The following CACNA1G variants were observed in gnomAD, a reference collection of about 807,000 sequenced individuals.
CACNA1G encodes voltage-dependent T-type calcium channel subunit alpha-1G.
In CACNA1G, 67 loss-of-function variants were observed where a neutral mutation model predicts 219.4. The observed-to-expected ratio is 0.31, with a 90% CI of 0.25 to 0.37. The LOEUF is 0.37. Ranked by LOEUF, CACNA1G falls within the 10% of genes least tolerant of loss-of-function variation. The probability of loss-of-function intolerance (pLI) is 1.00; values close to 1 mark genes in which losing one functional copy is unlikely to be tolerated. For synonymous variants in CACNA1G, 1,296 were observed against 1,345.3 expected (o/e 0.96, Z 0.80); for missense variants, 2,380 against 3,231.4 (o/e 0.74, Z 6.39).
rs67152102 is a variant in CACNA1G at position 50,564,125 on chromosome 17, AGTGTGT to A, written c.242+2457_242+2462del. On this transcript the variant is annotated intron_variant, in intron 1 of 37. Coordinates refer to ENST00000359106, the MANE Select transcript of CACNA1G (RefSeq NM_018896.5). ...AGAGGAGATCTAGACCCAGGTAGGA[AGTGTGT>A]GTGTGTGTGTGTGTGTGTGTGTGTG... 7.4e-3 allele frequency among the ~76,000 whole-genome samples: 1,020 copies of A among 138,562 alleles called. 11 individuals carry two copies. The highest frequency in any genetic ancestry group is 0.022 in the African/African-American group (756 of 34,284). The allele number at this position is 138,562 out of a possible 152,430, so 90.9% of individuals were successfully genotyped here.
intron 24 of CACNA1G, 55 bp from the exon 25 acceptor site, chr17:50,607,772 A>G (rs2048257861): frequency 1.3e-6 from 2 of 1,519,914 alleles, no homozygotes; most frequent in African/African-American, 1.4e-5. Context: ...GGCAGCTCCT[A>G]AGACAGCTTG....
Position 50,569,198 on chromosome 17 carries a change from G to C in CACNA1G, c.388G>C (p.Val130Leu). The change falls in exon 3 of 38, where the codon GTG becomes CTG. Residue 130 changes from valine (V) to leucine (L), a missense_variant. Transcript: ENST00000359106. ...TGACTTCATCTTTGCCTTCTTTGCC[G>C]TGGAGATGGTGGTGAAGATGGTGGC... ...FDDFIFAFFA[V>L]EMVVKMVALG... 6.2e-7 allele frequency: 1 copy of C among 1,613,894 alleles called. No homozygotes were observed. Among genetic ancestry groups the C allele is most frequent in the Non-Finnish European group, 8.5e-7 (1 of 1,179,844 alleles).
Position 50,608,138 on chromosome 17 carries a change from C to T in CACNA1G, c.4705+119C>T. ...GGGCCGGGGGCAGGGAGAAGAGGCTCCCACCCCCCTCCTCACCTCCTTCTC... is the reference window on the plus strand; with the variant it reads ...GGGCCGGGGGCAGGGAGAAGAGGCTTCCACCCCCCTCCTCACCTCCTTCTC... On this transcript the variant is annotated intron_variant, in intron 25 of 37. Coordinates refer to ENST00000359106, the MANE Select transcript of CACNA1G (RefSeq NM_018896.5). 3.5e-6 allele frequency: 3 copies of T among 851,290 alleles called. 1 individual carries two copies. The highest frequency in any genetic ancestry group is 5.5e-6 in the Non-Finnish European group (3 of 543,710). The allele number at this position is 851,290 out of a possible 1,614,324, so 52.7% of individuals were successfully genotyped here. A position where few individuals can be genotyped will look rare whatever the true frequency, so the allele number is the denominator to read the frequency against.
intron 37 of CACNA1G, 60 bp from the exon 38 acceptor site, chr17:50,625,957 G>A (rs2053690511): frequency 9.2e-6 from 14 of 1,528,108 alleles, no homozygotes; most frequent in South Asian, 6.4e-5. Context: ...AGCTTGACAG[G>A]AGGGCTAGTC....
In CACNA1G at chr17:50,575,987, T is replaced by A; in HGVS notation, c.1585T>A (p.Ser529Thr). 6.4e-7 allele frequency: 1 copy of A among 1,553,254 alleles called. No homozygotes were observed. The highest frequency in any genetic ancestry group is 8.7e-7 in the Non-Finnish European group (1 of 1,148,734). The change falls in exon 8 of 38, where the codon TCC becomes ACC. Residue 529 changes from serine (S) to threonine (T), a missense_variant. Coordinates refer to ENST00000359106, the MANE Select transcript of CACNA1G (RefSeq NM_018896.5). Reference protein sequence around the residue: ...PEIQDRDANGSRRLMLPPPST... With the variant: ...PEIQDRDANGTRRLMLPPPST... Reference sequence around the variant, plus strand: ...GATCCAGGACAGGGATGCCAATGGGTCCCGCCGGCTCATGCTGCCACCACC... The same window carrying A: ...GATCCAGGACAGGGATGCCAATGGGACCCGCCGGCTCATGCTGCCACCACC...
chr17:50,572,990 C>T (rs1400453554), intron 6 of CACNA1G, 31 bp from the exon 7 acceptor site: 7 of 1,566,764 alleles, frequency 4.5e-6, no homozygotes, highest in Non-Finnish European at 6.1e-6. Context: ...TTGGTGGGCC[C>T]ATAGTCAGCC....
intron 26 of CACNA1G, among the ~76,000 whole-genome samples, chr17:50,615,081 C>T (rs2146203390): frequency 6.6e-6 from 1 of 152,146 alleles, no homozygotes; most frequent in Middle Eastern, 3.4e-3. Context: ...TGGAGGCTGC[C>T]TAGGGGAGGG....
rs929952497 is a variant in CACNA1G, at chr17:50,561,284, C to T, written c.-176C>T. 2 of 666,078 alleles carry T rather than the reference C, an allele frequency of 3.0e-6. No individual in the cohort carries two copies. The highest frequency in any genetic ancestry group is 4.8e-6 in the Non-Finnish European group (2 of 414,662). The allele number at this position is 666,078 out of a possible 1,614,324, so 41.3% of individuals were successfully genotyped here. ...CTGCGCCCCGGCGCCCCGCGGGCAG[C>T]ATGCCCCTGCGGGCAGGGGGAGCTG... is the stretch of plus-strand genomic sequence containing the variant. On this transcript the variant is annotated 5_prime_UTR_variant, in exon 1 of 38. Coordinates refer to ENST00000359106, the MANE Select transcript of CACNA1G (RefSeq NM_018896.5).
chr17:50,578,482 T>C lies in CACNA1G; in HGVS notation c.2219T>C (p.Val740Ala). The C allele has an allele frequency of 2.5e-6, 4 of 1,594,058 alleles. No individual in the cohort carries two copies. Among genetic ancestry groups the C allele is most frequent in the Non-Finnish European group, 3.4e-6 (4 of 1,168,182 alleles). The change falls in exon 9 of 38, where the codon GTG becomes GCG. Residue 740 changes from valine (V) to alanine (A), a missense_variant. Val to Ala is a moderately conservative substitution (Grantham distance 64, BLOSUM62 0). Transcript: ENST00000359106. This position sits in a 1 kb window ranked among gnomAD's most constrained non-coding sequence, Gnocchi z 4.5. Reference sequence around the variant, plus strand: ...ATCTGTGACACCTTCCGAAAGATTGTGGACAGCAAGTACTTTGGCCGGGGA... The same window carrying C: ...ATCTGTGACACCTTCCGAAAGATTGCGGACAGCAAGTACTTTGGCCGGGGA... ...RLICDTFRKI[V>A]DSKYFGRGIM...
In CACNA1G at chr17:50,576,188, A is replaced by G. The variant is rs772432409; in HGVS notation, c.1786A>G (p.Ser596Gly). 8.1e-6 allele frequency: 13 copies of G among 1,610,150 alleles called. No individual in the cohort carries two copies. Among genetic ancestry groups the G allele is most frequent in the Non-Finnish European group, 1.1e-5 (13 of 1,178,872 alleles). The change falls in exon 8 of 38, where the codon AGC becomes GGC. Residue 596 changes from serine (S) to glycine (G), a missense_variant. By Grantham distance (56) the Ser-to-Gly change is moderately conservative. This residue lies in a region of CACNA1G where 434 missense variants were observed against 417.3 expected (regional missense o/e 1.04). Coordinates refer to ENST00000359106, the MANE Select transcript of CACNA1G (RefSeq NM_018896.5). ...SGKVYPTVHT[S>G]PPPETLKEKA... ...GAAGGTGTATCCCACCGTGCACACC[A>G]GCCCTCCACCGGAGACGCTGAAGGA...
chr17:50,595,189 A>T (rs2045274164), intron 14 of CACNA1G, 128 bp downstream of exon 14: 1 of 707,350 alleles, frequency 1.4e-6, no homozygotes, highest in Non-Finnish European at 2.4e-6. Flanking sequence ...CGTGATGGTC[A>T]TTGGTGTTGT....
chr17:50,561,781 A>G (rs1322523231), intron 1 of CACNA1G, 80 bp downstream of exon 1: 11 of 1,011,210 alleles, frequency 1.1e-5, no homozygotes, highest in Middle Eastern at 4.4e-4. Context: ...GGGGAAGAAG[A>G]CCCACCGCCA....
In CACNA1G at chr17:50,621,759, A is replaced by T; in HGVS notation, c.6025A>T (p.Met2009Leu). 1 of 1,613,908 alleles carries T rather than the reference A, an allele frequency of 6.2e-7. No individual in the cohort carries two copies. Among genetic ancestry groups the T allele is most frequent in the Non-Finnish European group, 8.5e-7 (1 of 1,179,870 alleles). Residue 2009 changes from methionine (M) to leucine (L), a missense_variant, in exon 35 of 38, where the codon ATG becomes TTG. Around this residue, in one of 17 missense-constraint regions of CACNA1G, gnomAD observed 672 missense variants for 670.5 expected, o/e 1.00. Transcript: ENST00000359106. This position sits in a 1 kb window ranked among gnomAD's most constrained non-coding sequence, Gnocchi z 4.6. ...ALTDDSLPDD[M>L]HTLLLSALES... ...GACGGATGACTCTTTGCCTGATGACATGCACACACTCTTACTTAGTGCCCT... is the reference window on the plus strand; with the variant it reads ...GACGGATGACTCTTTGCCTGATGACTTGCACACACTCTTACTTAGTGCCCT...
chr17:50,571,257 G>A lies in CACNA1G; in HGVS notation c.587-621G>A, dbSNP rs1298567173. On this transcript the variant is annotated intron_variant, in intron 4 of 37. Transcript: ENST00000359106. This position sits in a 1 kb window ranked among gnomAD's most constrained non-coding sequence, Gnocchi z 4.3. ...GGCTCAGAGCCATAGTGAAGCACAG[G>A]GCATCTTGGCCCCTGCCTAGGAGCT... Among the ~76,000 whole-genome samples the A allele has an allele frequency of 1.3e-5, 2 of 152,170 alleles. No homozygotes were observed. Among genetic ancestry groups the A allele is most frequent in the Non-Finnish European group, 2.9e-5 (2 of 68,030 alleles).
At chr17:50,606,116 T>C (rs759643342) in intron 23 of CACNA1G, 93 bp downstream of exon 23, 1 of 1,527,814 alleles carries the variant, frequency 6.5e-7, no homozygotes, top group Non-Finnish European at 9.1e-7. Context: ...CCGGTGGAGG[T>C]GGGCTCCACG....
At chr17:50,602,990 C>T in intron 20 of CACNA1G, 25 bp from the exon 21 acceptor site, 1 of 1,609,684 alleles carries the variant, frequency 6.2e-7, no homozygotes, top group Non-Finnish European at 8.5e-7. Flanking sequence ...GGGAGGGCGG[C>T]CGATGACGTG....
intron 9 of CACNA1G, among the ~76,000 whole-genome samples, chr17:50,580,791 CT>C (rs2041792821): frequency 6.6e-6 from 1 of 152,156 alleles, no homozygotes; most frequent in South Asian, 2.1e-4. Context: ...CCCCAGCAGG[CT>C]GGGCAGATGA....
In CACNA1G at chr17:50,584,551, G is replaced by A. The variant is rs573349241; in HGVS notation, c.2302-5920G>A. 2.0e-4 allele frequency among the ~76,000 whole-genome samples: 28 copies of A among 140,986 alleles called. No individual in the cohort carries two copies. In the East Asian group the frequency reaches 5.5e-3, roughly 28 times the overall value. 92.5% of individuals were successfully genotyped at this position (140,986 alleles called of 152,430 possible). A position where few individuals can be genotyped will look rare whatever the true frequency, so the allele number is the denominator to read the frequency against. On this transcript the variant is annotated intron_variant, in intron 9 of 37. Transcript: ENST00000359106. ...GGCACGGGGGAAGGAGATTGGAGAA[G>A]TAATGGATGCAGGCATAACTGATAG... is the stretch of plus-strand genomic sequence containing the variant.
chr17:50,624,094 G>A lies in CACNA1G; in HGVS notation c.6229+19G>A, dbSNP rs1359487163. 5 of 1,603,830 alleles carry A rather than the reference G, an allele frequency of 3.1e-6. No individual in the cohort carries two copies. In the African/African-American group the frequency reaches 5.4e-5, roughly 17 times the overall value. ...CAGTCAGGTACCAGGGCTAGAGCAG[G>A]CCAATTTGGCTCACACAGGGAGATT... On this transcript the variant is annotated intron_variant, in intron 36 of 37. Transcript: ENST00000359106.
Sources: gnomAD v4.1 joint callset for allele counts (sites outside exome capture counted in the v4.1 genomes callset) on GRCh38, gnomAD v4.1.1 for gene constraint, gnomAD v4.1.1 regional missense constraint, Gnocchi (gnomAD v3.1) non-coding constraint, MANE v1.5 for transcripts, NCBI Gene and HGNC (gene_info 2026-07-23, HGNC 2026-07-21) for gene names.